Variants in MMS19 observed in about 807,000 individuals in gnomAD.
MMS19 encodes the protein MMS19 cytosolic iron-sulfur assembly component, also known as MMS19 nucleotide excision repair protein homolog.
In MMS19, 77 loss-of-function variants were observed where a neutral mutation model predicts 129.8. The observed-to-expected ratio is 0.59, with a 90% CI of 0.49 to 0.72. MMS19 has a LOEUF of 0.72. MMS19 is among the 30% of genes least tolerant of loss of function. The probability of loss-of-function intolerance (pLI) is 0.00; values close to 1 mark genes in which losing one functional copy is unlikely to be tolerated. For missense variants in MMS19, 1,168 were observed against 1,266.3 expected (o/e 0.92, Z 1.18); for synonymous variants, 491 against 502.8 (o/e 0.98, Z 0.31).
intron 6 of MMS19, 187 bp downstream of exon 6, chr10:97,477,160 A>G (rs2035918911): frequency 2.7e-6 from 4 of 1,473,700 alleles, no homozygotes; most frequent in Non-Finnish European, 3.6e-6. Flanking sequence ...AATTTAAAAC[A>G]CTGGCTCAAA....
chr10:97,463,232 C>T (rs2032552591), intron 19 of MMS19, among the ~76,000 whole-genome samples: 1 of 148,082 alleles, frequency 6.8e-6, no homozygotes, highest in Non-Finnish European at 1.5e-5. Flanking sequence ...AGTGCAGAGG[C>T]ACAATCATGC....
At chr10:97,486,738 A>C (rs965463089) in intron 1 of MMS19, among the ~76,000 whole-genome samples, 4 of 151,752 alleles carry the variant, frequency 2.6e-5, no homozygotes, top group African/African-American at 7.3e-5. Flanking sequence ...AAGGCATCTC[A>C]TATCTTTGAA....
At chr10:97,493,552 T>C (rs2039303665) in intron 1 of MMS19, among the ~76,000 whole-genome samples, 1 of 151,890 alleles carries the variant, frequency 6.6e-6, no homozygotes, top group Non-Finnish European at 1.5e-5. Flanking sequence ...GGACCCTGCT[T>C]CTAAAATAAA....
rs1010214556 is a variant in MMS19 at position 97,498,287 on chromosome 10, T to G, written c.98A>C (p.Asp33Ala). 1.3e-5 allele frequency: 20 copies of G among 1,568,042 alleles called. No homozygotes were observed. Among genetic ancestry groups the G allele is most frequent in the Non-Finnish European group, 1.7e-5 (20 of 1,164,238 alleles). The change falls in exon 1 of 31, where the codon GAC becomes GCC. Residue 33 changes from aspartate to alanine, a missense_variant. Coordinates refer to ENST00000438925, the MANE Select transcript of MMS19 (RefSeq NM_022362.5). ...GTCTGCCGTACCTGCAGCCACCTGG[T>G]CAGCGGGGCCCTCTTGCTGACCCAC... ...FVVGQQEGPA[D>A]QVAADVKSGN... is the part of the protein sequence containing the mutation.
At chr10:97,475,615 G>C (rs1027638936) in intron 8 of MMS19, among the ~76,000 whole-genome samples, 9 of 152,170 alleles carry the variant, frequency 5.9e-5, no homozygotes, top group African/African-American at 2.2e-4. Flanking sequence ...GCGGGCGCCT[G>C]TAATCCCAGC....
intron 19 of MMS19, chr10:97,463,023 G>A (rs2032448686): frequency 3.9e-6 from 1 of 259,472 alleles, no homozygotes; most frequent in South Asian, 6.2e-5. Flanking sequence ...TAGTAATGTT[G>A]GTCTCTGAAA....
In MMS19 at chr10:97,497,755, A is replaced by C. The variant is rs29001253; in HGVS notation, c.112+518T>G. ...AGAAAGTCTTAAGGAGGACACCCAG[A>C]ACATCTCCAGCTCCTCCTGGCCCGT... On this transcript the variant is annotated intron_variant, in intron 1 of 30. Transcript: ENST00000438925. Among the ~76,000 whole-genome samples the C allele has an allele frequency of 4.6e-5, 7 of 152,246 alleles. No homozygotes were observed. The East Asian group carries it at 1.2e-3, about 25-fold the overall frequency.
Position 97,484,089 on chromosome 10 carries a change from G to A in MMS19, c.161+14C>T. 6.6e-7 allele frequency: 1 copy of A among 1,520,450 alleles called. No individual in the cohort carries two copies. Among genetic ancestry groups the A allele is most frequent in the East Asian group, 2.4e-5 (1 of 41,614 alleles). 94.2% of individuals were successfully genotyped at this position (1,520,450 alleles called of 1,614,324 possible). Reference sequence around the variant, plus strand: ...CAGGGTTGGAGAAGAACATTCTATAGCAGAGGCTCTTACCCAAGGGCTTCC... The same window carrying A: ...CAGGGTTGGAGAAGAACATTCTATAACAGAGGCTCTTACCCAAGGGCTTCC... On this transcript the variant is annotated intron_variant, in intron 2 of 30. Transcript: ENST00000438925.
chr10:97,469,814 C>A, intron 10 of MMS19, 91 bp from the exon 11 acceptor site: 4 of 1,065,242 alleles, frequency 3.8e-6, no homozygotes, highest in Non-Finnish European at 5.7e-6. Context: ...TGAAGGAGCC[C>A]TGGTCTCAGC....
chr10:97,463,374 G>T (rs1370947480), intron 19 of MMS19, among the ~76,000 whole-genome samples: 1 of 152,148 alleles, frequency 6.6e-6, no homozygotes, highest in Non-Finnish European at 1.5e-5. Context: ...GCCCAGGCTG[G>T]TCTCAAACTC....
rs746191643 is a variant in MMS19 at position 97,459,486 on chromosome 10, C to T, written c.2780G>A (p.Cys927Tyr). Residue 927 changes from cysteine (C) to tyrosine (Y), a missense_variant, in exon 28 of 31, where the codon TGT (cysteine) becomes TAT (tyrosine). Transcript: ENST00000438925. ...GCTGAGGGTGGAGAGCTGCACCACA[C>T]AGTCAGGGCAGGACAGGGCCTCCAG... ...LLLEALSCPD[C>Y]VVQLSTLSCL... 4.3e-6 allele frequency: 7 copies of T among 1,613,182 alleles called. No individual in the cohort carries two copies. The Admixed American group carries it at 6.7e-5, about 15-fold the overall frequency.
intron 1 of MMS19, 42 bp downstream of exon 1, chr10:97,498,231 G>C (rs1282550261): frequency 5.9e-6 from 9 of 1,516,872 alleles, no homozygotes; most frequent in Non-Finnish European, 7.9e-6. Context: ...GCTCCCTCCT[G>C]TTGGCCCCCA....
intron 23 of MMS19, 73 bp from the exon 24 acceptor site, chr10:97,461,080 T>C: frequency 8.0e-7 from 1 of 1,242,496 alleles, no homozygotes; most frequent in Non-Finnish European, 1.1e-6. Flanking sequence ...CAAATCACTT[T>C]AAGTGCAGAG....
intron 4 of MMS19, 85 bp from the exon 5 acceptor site, chr10:97,478,014 T>G (rs1327085733): frequency 3.5e-6 from 3 of 847,202 alleles, no homozygotes; most frequent in Admixed American, 5.8e-5. Context: ...CCTAATTAGC[T>G]ACTGTAAGAA....
In MMS19 at chr10:97,498,322, G is replaced by A. The variant is rs753605035; in HGVS notation, c.63C>T (p.His21=). The A allele has an allele frequency of 3.1e-5, 49 of 1,574,754 alleles. No homozygotes were observed. The highest frequency in any genetic ancestry group is 3.9e-5 in the Non-Finnish European group (46 of 1,167,450). The part of the protein sequence containing the change: ...APMGALWGLV[H]DFVVGQQEGP... ...CCTCTTGCTGACCCACGACGAAGTC[G>A]TGCACGAGGCCCCATAGGGCACCCA... Residue 21 remains histidine, a synonymous_variant, in exon 1 of 31, where the codon CAC becomes CAT. Coordinates refer to ENST00000438925, the MANE Select transcript of MMS19 (RefSeq NM_022362.5).
rs916456600 is a variant in MMS19, at chr10:97,462,859, G to A, written c.1913-177C>T. 4 of 613,762 alleles carry A rather than the reference G, an allele frequency of 6.5e-6. No homozygotes were observed. The East Asian group carries it at 8.4e-5, about 13-fold the overall frequency. 38.0% of individuals were successfully genotyped at this position (613,762 alleles called of 1,614,324 possible). The stretch of plus-strand genomic sequence containing the variant: ...GAATCAGGGCACCAGAAACAGGAGT[G>A]GTCTGACCTGGGGCCACAGAGCGCT... On this transcript the variant is annotated intron_variant, in intron 19 of 30. Coordinates refer to ENST00000438925, the MANE Select transcript of MMS19 (RefSeq NM_022362.5).
rs1382196078 is a variant in MMS19 at position 97,461,399 on chromosome 10, T to C, written c.2311+97A>G. ...AGCAGTTGAAGCCCTGTTAATGTTA[T>C]TAGCAAGCTCCTTTTAAAAAGAGAA... On this transcript the variant is annotated intron_variant, in intron 23 of 30. Transcript: ENST00000438925. 2.8e-6 allele frequency: 4 copies of C among 1,428,430 alleles called. No homozygotes were observed. The African/African-American group carries it at 4.3e-5, about 15-fold the overall frequency. 88.5% of individuals were successfully genotyped at this position (1,428,430 alleles called of 1,614,324 possible). A position where few individuals can be genotyped will look rare whatever the true frequency, so the allele number is the denominator to read the frequency against.
chr10:97,460,768 A>G lies in MMS19; in HGVS notation c.2413-17T>C, dbSNP rs1390890416. 6.3e-7 allele frequency: 1 copy of G among 1,589,708 alleles called. No homozygotes were observed. Among genetic ancestry groups the G allele is most frequent in the African/African-American group, 1.3e-5 (1 of 74,504 alleles). On this transcript the variant is annotated splice_polypyrimidine_tract_variant and intron_variant, in intron 24 of 30. Transcript: ENST00000438925. Reference sequence around the variant, plus strand: ...CTTTGTTACCTGTAATTGGAGACAGAGAGAGCAATTGGGGAATGACACTCA... The same window carrying G: ...CTTTGTTACCTGTAATTGGAGACAGGGAGAGCAATTGGGGAATGACACTCA...
chr10:97,461,641 T>G lies in MMS19; in HGVS notation c.2185-19A>C. The G allele has an allele frequency of 6.3e-7, 1 of 1,594,206 alleles. No homozygotes were observed. Among genetic ancestry groups the G allele is most frequent in the Non-Finnish European group, 8.5e-7 (1 of 1,170,346 alleles). On this transcript the variant is annotated intron_variant, in intron 22 of 30. Coordinates refer to ENST00000438925, the MANE Select transcript of MMS19 (RefSeq NM_022362.5). ...TTTCCACCTACAGAAAACCTGGCCA[T>G]GTAATGGACCCAGAGAACACTTGAA...
Sources: gnomAD v4.1 joint callset for allele counts (sites outside exome capture counted in the v4.1 genomes callset) on GRCh38, gnomAD v4.1.1 for gene constraint, MANE v1.5 for transcripts, NCBI Gene and HGNC (gene_info 2026-07-23, HGNC 2026-07-21) for gene names.